The following LHFPL6 variants were observed in gnomAD, a reference collection of about 807,000 sequenced individuals.
LHFPL6 encodes the protein LHFPL tetraspan subfamily member 6 protein.
LHFPL6 carries 9 observed loss-of-function variants against 20.6 expected under a neutral mutation model. The ratio of observed to expected loss-of-function variants is 0.44; its 90% CI spans 0.26 to 0.76. The LOEUF is 0.76. Among genes scored for constraint, LHFPL6 ranks in the 30% least tolerant of loss-of-function variants. The probability of loss-of-function intolerance (pLI) is 0.20; values close to 1 mark genes in which losing one functional copy is unlikely to be tolerated. For missense variants in LHFPL6, 218 were observed against 253.5 expected, an observed-to-expected ratio of 0.86 and a Z score of 0.95; for synonymous variants, 105 against 98.7, an observed-to-expected ratio of 1.06 and a Z score of -0.38.
At chr13:39,428,102 A>T (rs1871691443) in intron 2 of LHFPL6, among the ~76,000 whole-genome samples, 1 of 152,200 alleles carries the variant, frequency 6.6e-6, no homozygotes, top group African/African-American at 2.4e-5. Flanking sequence ...ACTATAAGCC[A>T]ATTAAAGCTC....
intron 2 of LHFPL6, among the ~76,000 whole-genome samples, chr13:39,595,014 G>A (rs1000796320): frequency 5.3e-5 from 8 of 152,116 alleles, no homozygotes; most frequent in African/African-American, 1.9e-4. Flanking sequence ...TATACCTAAT[G>A]TTAAATGACG....
intron 2 of LHFPL6, among the ~76,000 whole-genome samples, chr13:39,432,495 C>T (rs1430676249): frequency 6.6e-6 from 1 of 151,922 alleles, no homozygotes; most frequent in Non-Finnish European, 1.5e-5. Context: ...CAGGGTTCAA[C>T]CTCTCTCCCT....
chr13:39,360,060 G>A (rs1019089216), intron 3 of LHFPL6, among the ~76,000 whole-genome samples: 1 of 114,954 alleles, frequency 8.7e-6, no homozygotes, highest in African/African-American at 3.0e-5. Context: ...TCGCTCTGTC[G>A]CCCAGGTTGG....
chr13:39,385,592 G>GGA (rs1479759182), intron 2 of LHFPL6, among the ~76,000 whole-genome samples: 14 of 152,234 alleles, frequency 9.2e-5, no homozygotes, highest in Admixed American at 7.2e-4. Flanking sequence ...ATATCAGCAT[G>GGA]ATACTAATTG....
At chr13:39,499,151 C>A (rs6563712) in intron 2 of LHFPL6, among the ~76,000 whole-genome samples, 100,382 of 151,926 alleles carry the variant, frequency 0.66, 33,387 homozygotes, top group East Asian at 0.85. Context: ...GCGTGTACCA[C>A]GCACCCGGCC....
At chr13:39,376,526 C>T (rs542845003) in intron 3 of LHFPL6, among the ~76,000 whole-genome samples, 118 of 152,232 alleles carry the variant, frequency 7.8e-4, no homozygotes, top group African/African-American at 2.4e-3. Flanking sequence ...TTATATTCGA[C>T]GGAAGTAGAG....
At chr13:39,418,934 A>G in intron 2 of LHFPL6, among the ~76,000 whole-genome samples, 1 of 152,232 alleles carries the variant, frequency 6.6e-6, no homozygotes, top group South Asian at 2.1e-4. Flanking sequence ...GTGATACACA[A>G]ATATTGCTGC....
At chr13:39,507,024 C>G (rs1046177780) in intron 2 of LHFPL6, among the ~76,000 whole-genome samples, 2 of 152,084 alleles carry the variant, frequency 1.3e-5, no homozygotes, top group African/African-American at 4.8e-5. Flanking sequence ...TGTATAAACA[C>G]GTTTGTGCTT....
chr13:39,539,899 C>G (rs1870742419), intron 2 of LHFPL6, among the ~76,000 whole-genome samples: 1 of 152,224 alleles, frequency 6.6e-6, no homozygotes, highest in African/African-American at 2.4e-5. Flanking sequence ...GTTTTGTGCT[C>G]TGCCATTAAA....
chr13:39,392,817 TA>T (rs1870743600), intron 2 of LHFPL6, among the ~76,000 whole-genome samples: 1 of 151,680 alleles, frequency 6.6e-6, no homozygotes, highest in South Asian at 2.1e-4. Context: ...TAATATATAA[TA>T]AAGATATATG....
At chr13:39,516,529 C>G (rs1418954821) in intron 2 of LHFPL6, among the ~76,000 whole-genome samples, 1 of 152,194 alleles carries the variant, frequency 6.6e-6, no homozygotes, top group Non-Finnish European at 1.5e-5. Context: ...TCCCATAAAT[C>G]CCACTGGTGT....
At chr13:39,420,644 G>A (rs1002062862) in intron 2 of LHFPL6, among the ~76,000 whole-genome samples, 2 of 152,104 alleles carry the variant, frequency 1.3e-5, no homozygotes, top group African/African-American at 4.8e-5. Flanking sequence ...AGGTGAACTT[G>A]GTCAAAAGTT....
At chr13:39,381,569 G>A (rs1870437012) in intron 2 of LHFPL6, among the ~76,000 whole-genome samples, 1 of 151,966 alleles carries the variant, frequency 6.6e-6, no homozygotes, top group South Asian at 2.1e-4. Flanking sequence ...GAACCCCATG[G>A]CAGAATCCTC....
chr13:39,382,986 T>C (rs1041802798), intron 2 of LHFPL6, among the ~76,000 whole-genome samples: 5 of 152,192 alleles, frequency 3.3e-5, no homozygotes, highest in Admixed American at 3.3e-4. Flanking sequence ...TAATTGGCTA[T>C]CACAGTGATT....
At chr13:39,365,950 T>C (rs1446048581) in intron 3 of LHFPL6, among the ~76,000 whole-genome samples, 2 of 152,172 alleles carry the variant, frequency 1.3e-5, no homozygotes, top group Non-Finnish European at 2.9e-5. Context: ...TACTAAAATA[T>C]GTACCTCTGT....
At position 39,369,597 on chromosome 13, in the gene LHFPL6, T is replaced by C. The variant is rs11843480; in HGVS notation, c.484+8831A>G. On this transcript the variant is annotated intron_variant, in intron 3 of 3. Transcript: ENST00000379589. Reference sequence around the variant, plus strand: ...TTCCTTCCTTCCTTCCTTCCTTCCTTCCTCCCTCTCTCCCTCCCTTCCTTC... The same window carrying C: ...TTCCTTCCTTCCTTCCTTCCTTCCTCCCTCCCTCTCTCCCTCCCTTCCTTC... Among the ~76,000 whole-genome samples, 772 of 87,100 alleles carry C rather than the reference T, an allele frequency of 8.9e-3. 46 individuals are homozygous for C. Among genetic ancestry groups the C allele is most frequent in the Middle Eastern group, 0.03 (4 of 132 alleles). The allele number at this position is 87,100 out of a possible 152,430, so 57.1% of individuals were successfully genotyped here.
chr13:39,563,628 G>A (rs909892574), intron 2 of LHFPL6, among the ~76,000 whole-genome samples: 8 of 152,104 alleles, frequency 5.3e-5, no homozygotes, highest in African/African-American at 1.9e-4. Flanking sequence ...AAACAGGCAG[G>A]CAAAGTGGAA....
At chr13:39,354,113 T>C (rs1377829162) in intron 3 of LHFPL6, among the ~76,000 whole-genome samples, 3 of 152,206 alleles carry the variant, frequency 2.0e-5, no homozygotes, top group Non-Finnish European at 4.4e-5. Context: ...GTGAATGCAC[T>C]GAAATATGAA....
intron 2 of LHFPL6, among the ~76,000 whole-genome samples, chr13:39,543,506 G>T (rs1870875750): frequency 6.6e-6 from 1 of 152,072 alleles, no homozygotes; most frequent in African/African-American, 2.4e-5. Context: ...ACGTTCCCTG[G>T]GGTTTTCTGA....
Sources: gnomAD v4.1 joint callset for allele counts (sites outside exome capture counted in the v4.1 genomes callset) on GRCh38, gnomAD v4.1.1 for gene constraint, MANE v1.5 for transcripts, NCBI Gene and HGNC (gene_info 2026-07-23, HGNC 2026-07-21) for gene names.